PATL2: variants seen among roughly 807,000 people sequenced by gnomAD.
PATL2 encodes protein PAT1 homolog 2.
Under a neutral mutation model 77.0 loss-of-function variants are expected in PATL2, and 73 were observed. The observed-to-expected ratio is 0.95, with a 90% confidence interval of 0.78 to 1.15. The LOEUF is 1.15. Ranked by LOEUF, PATL2 falls within the 50% of genes most tolerant of loss-of-function variation. The probability of loss-of-function intolerance (pLI) is 0.00; values close to 1 mark genes in which losing one functional copy is unlikely to be tolerated. For missense variants in PATL2, 618 were observed against 655.4 expected (o/e 0.94, Z 0.62); for synonymous variants, 265 against 257.1 (o/e 1.03, Z -0.29).
chr15:44,705,820 T>TTTTTTTTTTTTTTTG (rs1266645138), intron 3 of PATL2, among the ~76,000 whole-genome samples: 2 of 151,304 alleles, frequency 1.3e-5, no homozygotes, highest in African/African-American at 2.4e-5. Context: ...TGTTTTTTTT[T>TTTTTTTTTTTTTTTG]AGACAGAGTC....
Position 44,675,659 on chromosome 15 carries a change from C to T in PATL2, c.49G>A (p.Glu17Lys). 1.3e-6 allele frequency: 2 copies of T among 1,551,324 alleles called. No individual in the cohort carries two copies. The highest frequency in any genetic ancestry group is 1.7e-6 in the Non-Finnish European group (2 of 1,146,732). The stretch of plus-strand genomic sequence containing the variant: ...TGGCAGGCAGACACCAGCTCCTCCT[C>T]AGAAGCCAAGGGGCCACAGGTCTTA... Reference protein sequence around the residue: ...PGKTCGPLASEEELVSACQLE... With the variant: ...PGKTCGPLASKEELVSACQLE... Residue 17 changes from glutamate to lysine, a missense_variant, in exon 5 of 18, where the codon GAG (glutamate) becomes AAG (lysine). Physicochemically the swap from Glu to Lys is moderately conservative, Grantham distance 56 (BLOSUM62 1). Coordinates refer to ENST00000682850, the MANE Select transcript of PATL2 (RefSeq NM_001387263.1).
At chr15:44,710,628 A>C (rs2086837378) in intron 2 of PATL2, among the ~76,000 whole-genome samples, 1 of 152,098 alleles carries the variant, frequency 6.6e-6, no homozygotes, top group Non-Finnish European at 1.5e-5. Flanking sequence ...AATGGGGGTA[A>C]TTCTTTCCTC....
In PATL2 at chr15:44,665,873, T is replaced by C. The variant is rs2085342728; in HGVS notation, c.*80A>G. On this transcript the variant is annotated 3_prime_UTR_variant, in exon 18 of 18. Transcript: ENST00000682850. The stretch of plus-strand genomic sequence containing the variant: ...GCATAAGAAATGTCTTCAGACTCTC[T>C]GGATCCCTGTAAACATAGTCTATGT... 1.9e-6 allele frequency: 3 copies of C among 1,550,108 alleles called. No homozygotes were observed. The highest frequency in any genetic ancestry group is 2.6e-6 in the Non-Finnish European group (3 of 1,146,076).
chr15:44,706,303 C>A (rs1390708628), intron 3 of PATL2, among the ~76,000 whole-genome samples: 3 of 152,056 alleles, frequency 2.0e-5, no homozygotes, highest in Non-Finnish European at 4.4e-5. Flanking sequence ...GGAAGGCTTT[C>A]CAGGAATTCA....
At chr15:44,684,774 C>T (rs955483497) in intron 3 of PATL2, among the ~76,000 whole-genome samples, 2 of 152,086 alleles carry the variant, frequency 1.3e-5, no homozygotes, top group African/African-American at 4.8e-5. Flanking sequence ...TCGAGAAGAG[C>T]AACCCCAAGA....
chr15:44,671,755 A>G lies in PATL2; in HGVS notation c.657+260T>C, dbSNP rs2085689481. ...CATATTTCCTGGGTGAACAGGGAAA[A>G]TTCTTAGCAAAGAGTAGAGACAAAA... On this transcript the variant is annotated intron_variant, in intron 9 of 17. Transcript: ENST00000682850. Among the ~76,000 whole-genome samples, 3 of 152,226 alleles carry G rather than the reference A, an allele frequency of 2.0e-5. No individual in the cohort carries two copies. The South Asian group carries it at 6.2e-4, about 32-fold the overall frequency.
chr15:44,688,009 A>C (rs1472730764), intron 3 of PATL2, among the ~76,000 whole-genome samples: 16 of 152,138 alleles, frequency 1.1e-4, no homozygotes, highest in Admixed American at 9.8e-4. Flanking sequence ...GCACTTTAGG[A>C]GGCCAAGGCA....
chr15:44,690,929 T>A (rs1195400654), intron 3 of PATL2, among the ~76,000 whole-genome samples: 1 of 152,098 alleles, frequency 6.6e-6, no homozygotes, highest in African/African-American at 2.4e-5. Flanking sequence ...TGTGAATGTC[T>A]GTTAACACAG....
Position 44,703,014 on chromosome 15 carries a change from G to A in PATL2, c.-76+7082C>T, listed in dbSNP as rs1475017929. 5.3e-5 allele frequency among the ~76,000 whole-genome samples: 8 copies of A among 152,140 alleles called. 1 individual carries two copies. In the South Asian group the frequency reaches 1.2e-3, roughly 24 times the overall value. On this transcript the variant is annotated intron_variant, in intron 3 of 17. Coordinates refer to ENST00000682850, the MANE Select transcript of PATL2 (RefSeq NM_001387263.1). ...GATCTGGCCAGGCACGGTGGCTCAT[G>A]CCTGTAACTCCAGCACTTTGGGAGG...
intron 3 of PATL2, among the ~76,000 whole-genome samples, chr15:44,690,511 T>G (rs1433299816): frequency 6.6e-6 from 1 of 151,518 alleles, no homozygotes; most frequent in Non-Finnish European, 1.5e-5. Context: ...GCTTTTTTTT[T>G]TTTTTTGGTA....
rs951076370 is a variant in PATL2, at chr15:44,670,035, C to T, written c.710G>A (p.Arg237Gln). 117 of 1,551,154 alleles carry T rather than the reference C, an allele frequency of 7.5e-5. No individual in the cohort carries two copies. Among genetic ancestry groups the T allele is most frequent in the Middle Eastern group, 3.3e-4 (2 of 6,012 alleles). ...CTTGAGGGACTCAACCCGGTTTCTT[C>T]GTCCAAGTAGCTCTTCGTCTGCCTG... ...KKQADEELLG[R>Q]RNRVESLKLV... The change falls in exon 10 of 18, where the codon CGA becomes CAA. Residue 237 changes from arginine to glutamine, a missense_variant. Transcript: ENST00000682850.
chr15:44,676,679 G>A (rs2085973029), intron 3 of PATL2, 114 bp from the exon 4 acceptor site: 5 of 1,231,884 alleles, frequency 4.1e-6, no homozygotes, highest in South Asian at 3.0e-5. Flanking sequence ...CTTGGCCATG[G>A]TCTTGAGGAG....
At chr15:44,695,234 C>T (rs960671035) in intron 3 of PATL2, among the ~76,000 whole-genome samples, 4 of 151,450 alleles carry the variant, frequency 2.6e-5, no homozygotes, top group African/African-American at 9.7e-5. Flanking sequence ...GGGAATGATA[C>T]AGGAGTTAAG....
chr15:44,665,841 T>C lies in PATL2; in HGVS notation c.*112A>G. On this transcript the variant is annotated 3_prime_UTR_variant, in exon 18 of 18. Coordinates refer to ENST00000682850, the MANE Select transcript of PATL2 (RefSeq NM_001387263.1). ...GAAAATGGGGAAGGGTTCTCCAATA[T>C]ATAAAGGCATAAGAAATGTCTTCAG... The C allele has an allele frequency of 6.5e-7, 1 of 1,544,476 alleles. No homozygotes were observed. The highest frequency in any genetic ancestry group is 1.2e-5 in the South Asian group (1 of 83,042).
intron 3 of PATL2, among the ~76,000 whole-genome samples, chr15:44,681,600 T>G (rs897669937): frequency 6.6e-6 from 1 of 152,172 alleles, no homozygotes; most frequent in African/African-American, 2.4e-5. Context: ...CCCCTGAAAT[T>G]GTGTATATGT....
At chr15:44,667,285 C>T (rs1377324659) in intron 15 of PATL2, 82 bp from the exon 16 acceptor site, 1 of 999,028 alleles carries the variant, frequency 1.0e-6, no homozygotes, top group African/African-American at 1.6e-5. Flanking sequence ...ATCTTCCCAA[C>T]TAAAGGACAG....
chr15:44,691,697 T>C (rs1308005646), intron 3 of PATL2, among the ~76,000 whole-genome samples: 1 of 150,236 alleles, frequency 6.7e-6, no homozygotes, highest in Non-Finnish European at 1.5e-5. Flanking sequence ...TTAAAAATAA[T>C]ATAAAGTAAA....
chr15:44,690,660 T>C (rs1473400179), intron 3 of PATL2, among the ~76,000 whole-genome samples: 1 of 152,172 alleles, frequency 6.6e-6, no homozygotes, highest in Non-Finnish European at 1.5e-5. Flanking sequence ...ATCTTAAATT[T>C]ACCTTTGAAA....
chr15:44,672,179 C>T, intron 8 of PATL2, 23 bp from the exon 9 acceptor site: 2 of 1,551,628 alleles, frequency 1.3e-6, no homozygotes, highest in East Asian at 4.9e-5. Flanking sequence ...AGGAACAACC[C>T]TTTAGACTTA....
Sources: gnomAD v4.1 joint callset for allele counts (sites outside exome capture counted in the v4.1 genomes callset) on GRCh38, gnomAD v4.1.1 for gene constraint, MANE v1.5 for transcripts, NCBI Gene and HGNC (gene_info 2026-07-23, HGNC 2026-07-21) for gene names.